The following CDH18 variants were observed in gnomAD, a reference collection of about 807,000 sequenced individuals.
The protein encoded by CDH18 is cadherin 18.
CDH18 carries 31 observed loss-of-function variants against 67.9 expected under a neutral mutation model. That is an observed-to-expected ratio of 0.46 (90% CI 0.34 to 0.62). The LOEUF is 0.62. Ranked by LOEUF, CDH18 falls within the 20% of genes least tolerant of loss-of-function variation. The probability of loss-of-function intolerance (pLI) is 0.01; values close to 1 mark genes in which losing one functional copy is unlikely to be tolerated. For missense variants in CDH18, 890 were observed against 975.5 expected (o/e 0.91, Z 1.17); for synonymous variants, 362 against 347.2 (o/e 1.04, Z -0.48).
chr5:19,639,112 C>A (rs547461055), intron 5 of CDH18, among the ~76,000 whole-genome samples: 1 of 150,568 alleles, frequency 6.6e-6, no homozygotes, highest in African/African-American at 2.4e-5. Context: ...ACGCCATTCT[C>A]CTGGCTCAGC....
chr5:20,085,982 A>T (rs1322622680), intron 2 of CDH18, among the ~76,000 whole-genome samples: 1 of 152,246 alleles, frequency 6.6e-6, no homozygotes, highest in Non-Finnish European at 1.5e-5. Context: ...TATTAAGGAA[A>T]ACATGTCAAA....
At chr5:20,095,150 T>G (rs1391721668) in intron 2 of CDH18, among the ~76,000 whole-genome samples, 3 of 151,792 alleles carry the variant, frequency 2.0e-5, no homozygotes, top group Admixed American at 1.3e-4. Flanking sequence ...CACCAGGCCC[T>G]GTCGGGGGAT....
intron 2 of CDH18, among the ~76,000 whole-genome samples, chr5:20,100,274 T>G (rs188966770): frequency 6.6e-6 from 1 of 152,338 alleles, no homozygotes; most frequent in Admixed American, 6.5e-5. Flanking sequence ...TAATCATTTA[T>G]CTAATATACC....
chr5:19,979,187 G>C (rs1245486372), intron 2 of CDH18, among the ~76,000 whole-genome samples: 8 of 150,808 alleles, frequency 5.3e-5, no homozygotes, highest in Admixed American at 4.6e-4. Context: ...TGATTATAAA[G>C]TCATAAGGTG....
intron 1 of CDH18, among the ~76,000 whole-genome samples, chr5:20,381,128 GAGA>G (rs1488050003): frequency 6.6e-6 from 1 of 152,116 alleles, no homozygotes; most frequent in Admixed American, 6.5e-5. Context: ...AGAACACAGT[GAGA>G]AGGTGTCCAT....
intron 2 of CDH18, among the ~76,000 whole-genome samples, chr5:19,921,850 T>G (rs1331866232): frequency 6.6e-6 from 1 of 152,146 alleles, no homozygotes; most frequent in Non-Finnish European, 1.5e-5. Flanking sequence ...TCTCCAGTTT[T>G]AATTTCTAAT....
chr5:19,968,060 G>A (rs1056737903), intron 2 of CDH18, among the ~76,000 whole-genome samples: 4 of 150,268 alleles, frequency 2.7e-5, no homozygotes, highest in Non-Finnish European at 1.5e-5. Flanking sequence ...GACAAACAGA[G>A]AGCCAATTCA....
At chr5:20,125,080 G>A (rs1046167085) in intron 2 of CDH18, among the ~76,000 whole-genome samples, 45 of 152,172 alleles carry the variant, frequency 3.0e-4, no homozygotes, top group African/African-American at 1.1e-3. Flanking sequence ...AGTTGTCAGG[G>A]ATTCAGTGTG....
At chr5:20,226,159 G>C (rs1029148829) in intron 2 of CDH18, among the ~76,000 whole-genome samples, 3 of 151,986 alleles carry the variant, frequency 2.0e-5, no homozygotes, top group African/African-American at 7.2e-5. Flanking sequence ...TAAAAAGCAA[G>C]ATCTACTTGT....
intron 8 of CDH18, among the ~76,000 whole-genome samples, chr5:19,550,530 T>C (rs1737229642): frequency 6.6e-6 from 1 of 152,070 alleles, no homozygotes; most frequent in South Asian, 2.1e-4. Flanking sequence ...TTTTTGTCCT[T>C]GCGATAGTTT....
At chr5:19,894,266 C>T (rs1439726130) in intron 2 of CDH18, among the ~76,000 whole-genome samples, 2 of 151,786 alleles carry the variant, frequency 1.3e-5, no homozygotes, top group Admixed American at 1.3e-4. Context: ...ATTTAATAAC[C>T]ACTTGACTAT....
At chr5:19,979,499 T>C (rs1484701314) in intron 2 of CDH18, among the ~76,000 whole-genome samples, 1 of 152,092 alleles carries the variant, frequency 6.6e-6, no homozygotes, top group Non-Finnish European at 1.5e-5. Context: ...TTTTAATTGA[T>C]ATATTGGCTG....
At chr5:19,681,092 C>A (rs537826035) in intron 5 of CDH18, among the ~76,000 whole-genome samples, 125 of 151,964 alleles carry the variant, frequency 8.2e-4, no homozygotes, top group Non-Finnish European at 1.6e-3. Context: ...TTAAAAAGAA[C>A]AAGATCATGT....
At chr5:20,302,678 G>A (rs1736055826) in intron 1 of CDH18, among the ~76,000 whole-genome samples, 1 of 152,110 alleles carries the variant, frequency 6.6e-6, no homozygotes, top group Non-Finnish European at 1.5e-5. Flanking sequence ...TTTTTAAAAA[G>A]CCACTGTACC....
At chr5:20,192,362 C>G (rs1160503295) in intron 2 of CDH18, among the ~76,000 whole-genome samples, 2 of 152,026 alleles carry the variant, frequency 1.3e-5, no homozygotes, top group African/African-American at 2.4e-5. Context: ...TTAATTAGAT[C>G]CCCTTTGTCA....
chr5:20,203,273 G>A (rs2126312176), intron 2 of CDH18, among the ~76,000 whole-genome samples: 1 of 152,256 alleles, frequency 6.6e-6, no homozygotes, highest in East Asian at 1.9e-4. Flanking sequence ...ATATATCTGA[G>A]CACAACCAGA....
intron 1 of CDH18, among the ~76,000 whole-genome samples, chr5:20,260,880 C>A (rs1744600064): frequency 6.6e-6 from 1 of 152,200 alleles, no homozygotes; most frequent in African/African-American, 2.4e-5. Context: ...GAACCAAATT[C>A]TTCCAATGAA....
chr5:20,186,373 C>T (rs551611703), intron 2 of CDH18, among the ~76,000 whole-genome samples: 12 of 152,050 alleles, frequency 7.9e-5, no homozygotes, highest in African/African-American at 2.6e-4. Context: ...GAAATATTTG[C>T]AAATCCCATA....
intron 1 of CDH18, among the ~76,000 whole-genome samples, chr5:20,559,792 G>C: frequency 6.6e-6 from 1 of 152,010 alleles, no homozygotes; most frequent in East Asian, 1.9e-4. Flanking sequence ...TGCATAGTTT[G>C]ATGTCTACCC....
Sources: gnomAD v4.1 joint callset for allele counts (sites outside exome capture counted in the v4.1 genomes callset) on GRCh38, gnomAD v4.1.1 for gene constraint, MANE v1.5 for transcripts, NCBI Gene and HGNC (gene_info 2026-07-23, HGNC 2026-07-21) for gene names.